The following MAMLD1 variants were observed in gnomAD, a reference collection of about 807,000 sequenced individuals.
MAMLD1 encodes the protein mastermind-like domain-containing protein 1.
A neutral mutation model predicts 45.0 loss-of-function variants in MAMLD1; 14 were observed. That is an observed-to-expected ratio of 0.31 (90% CI 0.21 to 0.49). The LOEUF is 0.49. Among genes scored for constraint, MAMLD1 ranks in the 20% least tolerant of loss-of-function variants. The pLI is 0.99. For synonymous variants in MAMLD1, 254 were observed against 247.8 expected, an observed-to-expected ratio of 1.02 and a Z score of -0.24; for missense variants, 543 against 603.6, an observed-to-expected ratio of 0.90 and a Z score of 1.05.
chrX:150,489,274 G>A (rs187579610), intron 5 of MAMLD1, among the ~76,000 whole-genome samples: 44 of 110,880 alleles, frequency 4.0e-4, no homozygotes, highest in African/African-American at 1.4e-3. Context: ...TAGTTCTGGA[G>A]GCTGGGAACT....
intron 5 of MAMLD1, among the ~76,000 whole-genome samples, chrX:150,493,001 C>A (rs1465747413): frequency 9.0e-6 from 1 of 111,386 alleles, no homozygotes; most frequent in Non-Finnish European, 1.9e-5. Flanking sequence ...ATGTCCCCCT[C>A]CCATAAATGT....
chrX:150,421,586 C>T (rs1235534552), intron 1 of MAMLD1, among the ~76,000 whole-genome samples: 2 of 112,464 alleles, frequency 1.8e-5, no homozygotes, highest in Non-Finnish European at 3.8e-5. Flanking sequence ...GACTTACCAC[C>T]AGTATAATTG....
At chrX:150,403,879 G>GAAAGAAAGAAGAAAGAA (rs1160564358) in intron 1 of MAMLD1, among the ~76,000 whole-genome samples, 6,823 of 85,378 alleles carry the variant, frequency 0.08, 376 homozygotes, top group Non-Finnish European at 0.11. Flanking sequence ...AGAAAGAAAG[G>GAAAGAAAGAAGAAAGAA]AAAGAAAGAA....
chrX:150,448,135 G>C (rs932975240), intron 2 of MAMLD1, among the ~76,000 whole-genome samples: 2 of 112,046 alleles, frequency 1.8e-5, no homozygotes, highest in African/African-American at 6.5e-5. Flanking sequence ...CTAGGGCTCA[G>C]AACACCTGGG....
intron 5 of MAMLD1, among the ~76,000 whole-genome samples, chrX:150,479,047 A>C (rs1209344537): frequency 1.8e-5 from 2 of 110,494 alleles, no homozygotes; most frequent in Non-Finnish European, 3.8e-5. Flanking sequence ...CTTGGTATTA[A>C]TCTTACCAAG....
chrX:150,394,533 A>G (rs2033341147), intron 1 of MAMLD1, among the ~76,000 whole-genome samples: 1 of 111,299 alleles, frequency 9.0e-6, no homozygotes. Flanking sequence ...TCAAATTGGG[A>G]AAAACTGGCA....
chrX:150,506,076 G>A (rs1557408802), intron 6 of MAMLD1, among the ~76,000 whole-genome samples: 1 of 111,999 alleles, frequency 8.9e-6, no homozygotes, highest in African/African-American at 3.3e-5. Flanking sequence ...TTCTAATTCT[G>A]GCTTCCAAAC....
At chrX:150,364,524 G>A (rs970219907) in intron 1 of MAMLD1, among the ~76,000 whole-genome samples, 1 of 112,629 alleles carries the variant, frequency 8.9e-6, no homozygotes, top group Non-Finnish European at 1.9e-5. Flanking sequence ...GGCACCCGGA[G>A]TGTGGGTGTG....
At chrX:150,426,228 A>T (rs781935183) in intron 1 of MAMLD1, among the ~76,000 whole-genome samples, 20 of 112,305 alleles carry the variant, frequency 1.8e-4, no homozygotes, top group Admixed American at 1.4e-3. Flanking sequence ...GTATACAGTA[A>T]CTAGTAACAG....
chrX:150,512,825 C>T lies in MAMLD1; in HGVS notation c.*866C>T. 3 of 1,155,758 alleles carry T rather than the reference C, an allele frequency of 2.6e-6. No homozygotes were observed. Among genetic ancestry groups the T allele is most frequent in the Non-Finnish European group, 3.4e-6 (3 of 872,812 alleles). On this transcript the variant is annotated 3_prime_UTR_variant, in exon 8 of 8. Transcript: ENST00000370401. ...AGGTCCGTTCGACAGAACGGATATTCCCCCTGAGCTGCCACCTGCCGACTT... is the reference window on the plus strand; with the variant it reads ...AGGTCCGTTCGACAGAACGGATATTTCCCCTGAGCTGCCACCTGCCGACTT...
At chrX:150,384,116 C>T (rs1284788748) in intron 1 of MAMLD1, among the ~76,000 whole-genome samples, 1 of 111,791 alleles carries the variant, frequency 8.9e-6, no homozygotes, top group Non-Finnish European at 1.9e-5. Context: ...TTTCATTTCT[C>T]TTGGGCATAT....
At chrX:150,404,692 C>G (rs2033954321) in intron 1 of MAMLD1, among the ~76,000 whole-genome samples, 1 of 111,551 alleles carries the variant, frequency 9.0e-6, no homozygotes, top group Non-Finnish European at 1.9e-5. Flanking sequence ...TCCCTCTGGC[C>G]CCTCTCCATC....
chrX:150,436,170 G>A (rs1480201037), intron 1 of MAMLD1, among the ~76,000 whole-genome samples: 11 of 105,664 alleles, frequency 1.0e-4, no homozygotes, highest in African/African-American at 3.8e-4. Context: ...TTTTCATTTC[G>A]ATCTTGGAGA....
chrX:150,373,789 A>G (rs182902982), intron 1 of MAMLD1, among the ~76,000 whole-genome samples: 157 of 111,868 alleles, frequency 1.4e-3, no homozygotes, highest in Non-Finnish European at 2.3e-3. Context: ...CTTCCTCTGG[A>G]GAATCTGGAG....
intron 5 of MAMLD1, among the ~76,000 whole-genome samples, chrX:150,502,603 G>T (rs991831390): frequency 8.9e-6 from 1 of 112,291 alleles, no homozygotes; most frequent in African/African-American, 3.2e-5. Context: ...TCTAAAGCAT[G>T]ATAGAAAGGG....
At chrX:150,373,242 T>C (rs1248771311) in intron 1 of MAMLD1, among the ~76,000 whole-genome samples, 1 of 111,591 alleles carries the variant, frequency 9.0e-6, no homozygotes, top group Non-Finnish European at 1.9e-5. Context: ...TATCCCCACC[T>C]TCCCAAACAG....
At chrX:150,425,856 G>A (rs1048687385) in intron 1 of MAMLD1, among the ~76,000 whole-genome samples, 1 of 112,289 alleles carries the variant, frequency 8.9e-6, no homozygotes, top group Non-Finnish European at 1.9e-5. Flanking sequence ...TTGTTGGAGC[G>A]AGCCAGTGAA....
intron 1 of MAMLD1, among the ~76,000 whole-genome samples, chrX:150,394,250 T>C (rs2033328009): frequency 9.5e-6 from 1 of 105,494 alleles, no homozygotes; most frequent in Non-Finnish European, 1.9e-5. Context: ...AACAGTTGAG[T>C]ATATTCCTGT....
chrX:150,403,286 G>T (rs782449384), intron 1 of MAMLD1, among the ~76,000 whole-genome samples: 1 of 111,315 alleles, frequency 9.0e-6, no homozygotes, highest in African/African-American at 3.3e-5. Flanking sequence ...GTTAGTAGTT[G>T]CCAGGGACTG....
Sources: allele counts gnomAD v4.1 joint callset (sites outside exome capture counted in the v4.1 genomes callset), GRCh38; gene constraint gnomAD v4.1.1; transcripts MANE v1.5; gene names NCBI Gene and HGNC (gene_info 2026-07-23, HGNC 2026-07-21).